ERCC8: variants seen among roughly 807,000 people sequenced by gnomAD.
ERCC8 encodes the protein ERCC excision repair 8, CSA ubiquitin ligase complex subunit, also known as DNA excision repair protein ERCC-8.
Under a neutral mutation model 54.9 loss-of-function variants are expected in ERCC8, and 52 were observed. That is an observed-to-expected ratio of 0.95 (90% CI 0.76 to 1.19). The LOEUF (loss-of-function observed/expected upper bound fraction) is 1.19, where lower values mean the gene tolerates loss of function less well. Among genes scored for constraint, ERCC8 ranks in the 50% most tolerant of loss-of-function variants. The pLI is 0.00. For synonymous variants in ERCC8, 146 were observed against 157.2 expected (o/e 0.93, Z 0.53); for missense variants, 514 against 466.1 (o/e 1.10, Z -0.95).
intron 1 of ERCC8, among the ~76,000 whole-genome samples, chr5:60,944,452 A>G (rs1302768834): frequency 6.6e-6 from 1 of 152,102 alleles, no homozygotes; most frequent in Non-Finnish European, 1.5e-5. Flanking sequence ...TGTCTACTTC[A>G]TCTCTTGTCA....
chr5:60,908,577 A>T (rs1322395423), intron 4 of ERCC8, among the ~76,000 whole-genome samples: 1 of 90,310 alleles, frequency 1.1e-5, no homozygotes, highest in African/African-American at 3.7e-5. Flanking sequence ...ATATATATAT[A>T]TATATATTTT....
chr5:60,903,791 T>C, intron 5 of ERCC8, 75 bp from the exon 6 acceptor site: 2 of 1,401,504 alleles, frequency 1.4e-6, no homozygotes, highest in Non-Finnish European at 2.0e-6. Context: ...TTATCATTAG[T>C]AATCATGACA....
chr5:60,928,023 T>C (rs1388025863), intron 2 of ERCC8, among the ~76,000 whole-genome samples: 4 of 152,226 alleles, frequency 2.6e-5, no homozygotes. Context: ...TTTCCTTTAG[T>C]TAATGCTATA....
At chr5:60,887,650 T>C in intron 10 of ERCC8, 130 bp from the exon 11 acceptor site, 1 of 717,538 alleles carries the variant, frequency 1.4e-6, no homozygotes, top group Non-Finnish European at 2.5e-6. Flanking sequence ...CTAAAGAAAC[T>C]AGGCCAATGC....
intron 4 of ERCC8, among the ~76,000 whole-genome samples, chr5:60,916,261 C>T (rs1405299882): frequency 6.6e-6 from 1 of 152,052 alleles, no homozygotes; most frequent in Non-Finnish European, 1.5e-5. Context: ...GTCTCTCTAG[C>T]TTTATGAAAT....
chr5:60,943,871 C>G (rs158931), intron 1 of ERCC8, among the ~76,000 whole-genome samples: 96,664 of 151,870 alleles, frequency 0.64, 31,173 homozygotes, highest in East Asian at 0.94. Flanking sequence ...GGAAGTGACA[C>G]TGGCAAAAAA....
chr5:60,909,232 T>C (rs1250014142), intron 4 of ERCC8, among the ~76,000 whole-genome samples: 3 of 27,332 alleles, frequency 1.1e-4, no homozygotes, highest in African/African-American at 4.1e-4. Context: ...CAGACAAAAA[T>C]GCCCTATTCT....
chr5:60,899,065 G>A (rs1408889837), intron 8 of ERCC8, among the ~76,000 whole-genome samples: 1 of 142,566 alleles, frequency 7.0e-6, no homozygotes, highest in Non-Finnish European at 1.5e-5. Context: ...GTTTTATGTA[G>A]AAACTACATA....
intron 2 of ERCC8, among the ~76,000 whole-genome samples, chr5:60,925,257 A>G (rs1353760250): frequency 6.6e-6 from 1 of 152,132 alleles, no homozygotes; most frequent in Non-Finnish European, 1.5e-5. Flanking sequence ...GCTTACTTTC[A>G]GAGATTTCCT....
At chr5:60,937,430 G>C (rs1238704983) in intron 1 of ERCC8, among the ~76,000 whole-genome samples, 1 of 152,172 alleles carries the variant, frequency 6.6e-6, no homozygotes, top group Non-Finnish European at 1.5e-5. Flanking sequence ...AGCAGGGTTA[G>C]GCATGTCTGA....
chr5:60,906,770 T>C (rs1561505350), intron 4 of ERCC8, among the ~76,000 whole-genome samples: 1 of 151,734 alleles, frequency 6.6e-6, no homozygotes, highest in Admixed American at 6.6e-5. Flanking sequence ...AACAAATACA[T>C]ACATAAAATA....
At chr5:60,939,635 C>T (rs975694560) in intron 1 of ERCC8, among the ~76,000 whole-genome samples, 2 of 151,980 alleles carry the variant, frequency 1.3e-5, no homozygotes, top group African/African-American at 4.8e-5. Flanking sequence ...CAGGCACCTG[C>T]CACCGCACCC....
intron 1 of ERCC8, among the ~76,000 whole-genome samples, chr5:60,934,040 A>G (rs1749991198): frequency 6.6e-6 from 1 of 152,214 alleles, no homozygotes; most frequent in Non-Finnish European, 1.5e-5. Flanking sequence ...GTGCTGTTAT[A>G]AACATGCATG....
chr5:60,918,723 C>A, intron 3 of ERCC8: 1 of 323,090 alleles, frequency 3.1e-6, no homozygotes, highest in South Asian at 3.0e-5. Flanking sequence ...GAAGAGACAG[C>A]TGTTTTGGTT....
chr5:60,936,264 G>T (rs768573249), intron 1 of ERCC8, among the ~76,000 whole-genome samples: 51 of 152,168 alleles, frequency 3.4e-4, no homozygotes, highest in Middle Eastern at 6.8e-3. Flanking sequence ...GTATTTCCAG[G>T]AATTTATTCA....
rs532193994 is a variant in ERCC8, at chr5:60,867,903, G to A, written c.*6712C>T. ...TGCCTTAAAGAGCTGACTACAGGCTGGCCGCGGTGGCTCATGCCTGTAATC... is the reference window on the plus strand; with the variant it reads ...TGCCTTAAAGAGCTGACTACAGGCTAGCCGCGGTGGCTCATGCCTGTAATC... On this transcript the variant is annotated 3_prime_UTR_variant, in exon 12 of 12. Transcript: ENST00000676185. Among the ~76,000 whole-genome samples the A allele has an allele frequency of 9.8e-5, 15 of 152,322 alleles. No homozygotes were observed. The highest frequency in any genetic ancestry group is 3.4e-4 in the African/African-American group (14 of 41,580).
At chr5:60,879,810 T>C (rs920559352) in intron 11 of ERCC8, among the ~76,000 whole-genome samples, 10 of 152,256 alleles carry the variant, frequency 6.6e-5, no homozygotes, top group African/African-American at 2.4e-4. Flanking sequence ...GGGTCTTGAC[T>C]CTTTATCCAA....
chr5:60,907,886 C>G (rs1034726281), intron 4 of ERCC8, among the ~76,000 whole-genome samples: 6 of 152,304 alleles, frequency 3.9e-5, no homozygotes, highest in East Asian at 1.9e-4. Context: ...TTTTATCGCA[C>G]TACTGTAAAT....
In ERCC8 at chr5:60,873,819, G is replaced by A. The variant is rs1747918878; in HGVS notation, c.*796C>T. On this transcript the variant is annotated 3_prime_UTR_variant, in exon 12 of 12. Transcript: ENST00000676185. ...TTACCTTCATGATAATCACGTGTGG[G>A]TTGACACAGACGGAGACAATAACAT... 6.6e-6 allele frequency: 1 copy of A among 152,228 alleles called. No individual in the cohort carries two copies. The highest frequency in any genetic ancestry group is 1.5e-5 in the Non-Finnish European group (1 of 68,046). 9.4% of individuals were successfully genotyped at this position (152,228 alleles called of 1,614,324 possible). A position where few individuals can be genotyped will look rare whatever the true frequency, so the allele number is the denominator to read the frequency against.
Sources: allele counts gnomAD v4.1 joint callset (sites outside exome capture counted in the v4.1 genomes callset), GRCh38; gene constraint gnomAD v4.1.1; transcripts MANE v1.5; gene names NCBI Gene and HGNC (gene_info 2026-07-23, HGNC 2026-07-21).